KRT8: variants seen among roughly 807,000 people sequenced by gnomAD.
KRT8 encodes the protein keratin, type II cytoskeletal 8.
In KRT8, 24 loss-of-function variants were observed where a neutral mutation model predicts 43.0. The ratio of observed to expected loss-of-function variants is 0.56; its 90% CI spans 0.40 to 0.78. KRT8 has a LOEUF of 0.78. KRT8 is among the 30% of genes least tolerant of loss of function. The pLI is 0.00. For synonymous variants in KRT8, 214 were observed against 261.2 expected, an observed-to-expected ratio of 0.82 and a Z score of 1.74; for missense variants, 492 against 638.4, an observed-to-expected ratio of 0.77 and a Z score of 2.47.
At chr12:52,931,068 A>ATTGTT (rs1555189440) in intron 2 of KRT8, among the ~76,000 whole-genome samples, 2 of 141,078 alleles carry the variant, frequency 1.4e-5, no homozygotes, top group African/African-American at 2.6e-5. Context: ...TCTCCCCCAG[A>ATTGTT]TTCTTTTTTT....
At chr12:52,939,809 A>G (rs1942237274) in intron 2 of KRT8, among the ~76,000 whole-genome samples, 2 of 151,922 alleles carry the variant, frequency 1.3e-5, no homozygotes, top group African/African-American at 2.4e-5. Flanking sequence ...ACTGGAGCTG[A>G]GCACTGTGCC....
chr12:52,897,216 T>A (rs1158647725), exon 8 of KRT8: 3 of 662,500 alleles, frequency 4.5e-6, no homozygotes, highest in Non-Finnish European at 8.2e-6. Flanking sequence ...GAGGTTTTAT[T>A]TTGGACCAAA....
intron 2 of KRT8, among the ~76,000 whole-genome samples, chr12:52,914,443 A>G: frequency 6.6e-6 from 1 of 152,148 alleles, no homozygotes; most frequent in Non-Finnish European, 1.5e-5. Context: ...AGGCTGAGGC[A>G]GGAGAATTGC....
Position 52,936,512 on chromosome 12 carries a change from T to TTTG in KRT8, c.-47+12941_-47+12943dup, listed in dbSNP as rs549527711. Among the ~76,000 whole-genome samples, 519 of 152,106 alleles carry TTTG rather than the reference T, an allele frequency of 3.4e-3. 1 individual carries two copies. Among genetic ancestry groups the TTTG allele is most frequent in the Middle Eastern group, 0.01 (3 of 294 alleles). ...GCGGAGCTAGATTTCTTCTGTTGTTTTTGTTGTTGTTGTTGTTGAGATGGA... is the reference window on the plus strand; with the variant it reads ...GCGGAGCTAGATTTCTTCTGTTGTTTTTGTTGTTGTTGTTGTTGTTGAGATGGA... On this transcript the variant is annotated intron_variant, in intron 2 of 6. Coordinates refer to the KRT8 transcript ENST00000546826.
At chr12:52,904,564 G>A (rs1247399497) in intron 1 of KRT8, 94 bp downstream of exon 1, 2 of 1,209,122 alleles carry the variant, frequency 1.7e-6, no homozygotes, top group African/African-American at 1.5e-5. Context: ...GGCCCAGCAG[G>A]ACGCCAGCTG....
In KRT8 at chr12:52,897,632, G is replaced by GT; in HGVS notation, c.1262-15_1262-14insA. ...AGCTCAGACCACCTGGTGAGGGACAGAGGTAGCCACATGAGTACAGAAGCC... is the reference window on the plus strand; with the variant it reads ...AGCTCAGACCACCTGGTGAGGGACAGTAGGTAGCCACATGAGTACAGAAGCC... On this transcript the variant is annotated splice_polypyrimidine_tract_variant and intron_variant, in intron 7 of 7. Transcript: ENST00000692008. The GT allele has an allele frequency of 1.3e-6, 2 of 1,597,996 alleles. No individual in the cohort carries two copies. Among genetic ancestry groups the GT allele is most frequent in the Non-Finnish European group, 1.7e-6 (2 of 1,179,938 alleles).
chr12:52,932,020 C>T (rs1186452837), intron 2 of KRT8, among the ~76,000 whole-genome samples: 1 of 151,870 alleles, frequency 6.6e-6, no homozygotes, highest in Non-Finnish European at 1.5e-5. Flanking sequence ...TGCTCTTGAA[C>T]TCCTGGACTC....
chr12:52,917,035 C>T (rs1319104457), intron 2 of KRT8, among the ~76,000 whole-genome samples: 1 of 152,108 alleles, frequency 6.6e-6, no homozygotes, highest in Non-Finnish European at 1.5e-5. Flanking sequence ...GAAGGATTCC[C>T]CCAGAGAGAG....
intron 1 of KRT8, among the ~76,000 whole-genome samples, chr12:52,902,419 C>A (rs1181948606): frequency 6.6e-6 from 1 of 152,054 alleles, no homozygotes; most frequent in Non-Finnish European, 1.5e-5. Context: ...TCTCCGGCGC[C>A]CAGGCTGGAG....
intron 2 of KRT8, among the ~76,000 whole-genome samples, chr12:52,938,161 TATATATA>T (rs1385699387): frequency 2.6e-5 from 1 of 37,930 alleles, no homozygotes; most frequent in Non-Finnish European, 4.6e-5. Flanking sequence ...TATATATATA[TATATATA>T]TATTTTTTTT....
intron 2 of KRT8, among the ~76,000 whole-genome samples, chr12:52,915,566 C>T (rs1941720739): frequency 6.6e-6 from 1 of 151,530 alleles, no homozygotes; most frequent in Admixed American, 6.6e-5. Flanking sequence ...AAAAATCAGC[C>T]GAGCATGGTG....
At chr12:52,949,473 C>A (rs796361379) in exon 2 of KRT8, 1 of 1,502,654 alleles carries the variant, frequency 6.7e-7, no homozygotes, top group Non-Finnish European at 8.9e-7. Flanking sequence ...GAGTGAGGAG[C>A]CTGGAGACCG....
chr12:52,938,768 C>T (rs1188644881), intron 2 of KRT8, among the ~76,000 whole-genome samples: 1 of 152,102 alleles, frequency 6.6e-6, no homozygotes, highest in African/African-American at 2.4e-5. Context: ...CAGGTGCCTG[C>T]CACCAGTCCC....
intron 2 of KRT8, among the ~76,000 whole-genome samples, chr12:52,938,135 G>GATATATATAT (rs1942198360): frequency 2.0e-5 from 1 of 50,064 alleles, no homozygotes; most frequent in Non-Finnish European, 4.1e-5. Context: ...CCACTAGAAA[G>GATATATATAT]CTATATATAT....
intron 2 of KRT8, among the ~76,000 whole-genome samples, chr12:52,930,127 A>T (rs1942060017): frequency 6.6e-6 from 1 of 152,196 alleles, no homozygotes; most frequent in Non-Finnish European, 1.5e-5. Flanking sequence ...TGCCTGATAC[A>T]TCATAGATGT....
At chr12:52,929,617 C>A (rs1237997668) in intron 2 of KRT8, among the ~76,000 whole-genome samples, 1 of 152,122 alleles carries the variant, frequency 6.6e-6, no homozygotes, top group Non-Finnish European at 1.5e-5. Context: ...CCACTTACAC[C>A]TGTAATCATT....
At chr12:52,906,299 C>G (rs985486574), upstream of KRT8, among the ~76,000 whole-genome samples, 1 of 152,092 alleles carries the variant, frequency 6.6e-6, no homozygotes, top group Non-Finnish European at 1.5e-5. Context: ...ATAGTTCTTG[C>G]TCTTTGCGGG....
upstream of KRT8, among the ~76,000 whole-genome samples, chr12:52,909,266 G>A (rs1181401338): frequency 1.3e-5 from 2 of 152,232 alleles, no homozygotes; most frequent in African/African-American, 2.4e-5. Flanking sequence ...CCCAGGTAAA[G>A]AGGCTTCCTG....
At chr12:52,900,936 T>C in intron 3 of KRT8, 1 of 636,406 alleles carries the variant, frequency 1.6e-6, no homozygotes, top group Non-Finnish European at 2.8e-6. Flanking sequence ...CCAGTTCTAC[T>C]GCTCTGTTTT....
Sources: gnomAD v4.1 joint callset for allele counts (sites outside exome capture counted in the v4.1 genomes callset) on GRCh38, gnomAD v4.1.1 for gene constraint, MANE v1.5 for transcripts, NCBI Gene and HGNC (gene_info 2026-07-23, HGNC 2026-07-21) for gene names.